Variants in MCM9 observed in about 807,000 individuals in gnomAD.
MCM9 encodes the protein minichromosome maintenance 9 homologous recombination repair factor, also known as DNA helicase MCM9.
A neutral mutation model predicts 72.8 loss-of-function variants in MCM9; 55 were observed. That is an observed-to-expected ratio of 0.76 (90% confidence interval 0.61 to 0.95). MCM9 has a LOEUF of 0.95. Among genes scored for constraint, MCM9 ranks in the 40% least tolerant of loss-of-function variants. The pLI, the probability that MCM9 is intolerant of heterozygous loss-of-function variation, is 0.00. For missense variants in MCM9, 1,279 were observed against 1,377.0 expected (o/e 0.93, Z 1.13); for synonymous variants, 480 against 503.4 (o/e 0.95, Z 0.62).
At chr6:118,910,930 C>T (rs938982681) in intron 8 of MCM9, 1 of 985,346 alleles carries the variant, frequency 1.0e-6, no homozygotes, top group Non-Finnish European at 1.2e-6. Context: ...TAATCTGACT[C>T]CCTTAACAAG....
intron 8 of MCM9, chr6:118,907,333 G>A: frequency 9.0e-7 from 1 of 1,113,824 alleles, no homozygotes; most frequent in Non-Finnish European, 1.3e-6. Flanking sequence ...ATTTTATTAA[G>A]CTTCTATTTG....
intron 13 of MCM9, among the ~76,000 whole-genome samples, chr6:118,823,478 C>T (rs1378143152): frequency 1.3e-5 from 2 of 152,214 alleles, no homozygotes; most frequent in Admixed American, 6.5e-5. Flanking sequence ...GCTGGAAACG[C>T]AGAAATCACC....
intron 9 of MCM9, among the ~76,000 whole-genome samples, chr6:118,843,655 T>TATATATAC (rs1491542240): frequency 3.4e-4 from 13 of 38,606 alleles, no homozygotes; most frequent in African/African-American, 7.9e-4. Context: ...TATATATATA[T>TATATATAC]GTGTATATAT....
At chr6:118,879,872 T>C (rs1258574817) in intron 8 of MCM9, among the ~76,000 whole-genome samples, 1 of 151,876 alleles carries the variant, frequency 6.6e-6, no homozygotes, top group Admixed American at 6.6e-5. Flanking sequence ...GGTGAAACCC[T>C]GTCTCTATTA....
intron 8 of MCM9, among the ~76,000 whole-genome samples, chr6:118,898,379 T>C (rs891480519): frequency 3.9e-5 from 6 of 152,108 alleles, no homozygotes; most frequent in Non-Finnish European, 8.8e-5. Context: ...TATGTAGTGA[T>C]ACAATTATAT....
At position 118,931,694 on chromosome 6, in the gene MCM9, A is replaced by G; in HGVS notation, c.30T>C (p.Gly10=). Residue 10 remains glycine (G), a synonymous_variant, in exon 3 of 14, where the codon GGT becomes GGC. Coordinates refer to ENST00000619706, the MANE Select transcript of MCM9 (RefSeq NM_017696.3). ...CCGAAACATATGACTCAAACACTTG[A>G]CCAACCAGTGTAACTTGATCGCTAT... MNSDQVTLV[G]QVFESYVSEY... is the part of the protein sequence containing the mutation. The G allele has an allele frequency of 6.2e-7, 1 of 1,613,808 alleles. No individual in the cohort carries two copies. The highest frequency in any genetic ancestry group is 8.5e-7 in the Non-Finnish European group (1 of 1,179,824).
intron 9 of MCM9, among the ~76,000 whole-genome samples, chr6:118,843,380 G>C (rs931472112): frequency 3.3e-5 from 5 of 151,206 alleles, no homozygotes; most frequent in Non-Finnish European, 1.5e-5. Flanking sequence ...TGTAATCCCA[G>C]CACTTTGGGA....
chr6:118,911,654 A>T lies in MCM9; in HGVS notation c.1146T>A (p.Ser382Arg), dbSNP rs1327745327. Residue 382 changes from serine (S) to arginine (R), a missense_variant, in exon 8 of 14, where the codon AGT becomes AGA. By Grantham distance (110) the Ser-to-Arg change is moderately radical. Transcript: ENST00000619706. ...SVLTTGIGST[S>R]AGLTVTAVKD... ...TGAAATTGTCACATACAATACCTGC[A>T]CTAGTAGATCCAATTCCTGTGGTCA... is the stretch of plus-strand genomic sequence containing the variant. 3.7e-6 allele frequency: 6 copies of T among 1,610,520 alleles called. No homozygotes were observed. The highest frequency in any genetic ancestry group is 5.1e-6 in the Non-Finnish European group (6 of 1,178,256).
At chr6:118,851,853 C>A (rs150900919) in intron 9 of MCM9, among the ~76,000 whole-genome samples, 1 of 152,136 alleles carries the variant, frequency 6.6e-6, no homozygotes, top group African/African-American at 2.4e-5. Flanking sequence ...TACCACAGTG[C>A]GGTGGTCTAA....
chr6:118,934,625 T>C (rs1472361398), intron 1 of MCM9: 1 of 152,112 alleles, frequency 6.6e-6, no homozygotes, highest in Non-Finnish European at 1.5e-5. Context: ...GCCGCTCGGC[T>C]GCCCCAGGGG....
chr6:118,844,236 G>A (rs1263282009), intron 9 of MCM9, among the ~76,000 whole-genome samples: 1 of 151,734 alleles, frequency 6.6e-6, no homozygotes, highest in Non-Finnish European at 1.5e-5. Flanking sequence ...AAGATTAACT[G>A]GCCTCTAATT....
At chr6:118,870,157 C>T (rs1435797444) in intron 8 of MCM9, among the ~76,000 whole-genome samples, 1 of 152,104 alleles carries the variant, frequency 6.6e-6, no homozygotes, top group Admixed American at 6.6e-5. Context: ...AATGGACTTA[C>T]CAGACATATA....
intron 8 of MCM9, among the ~76,000 whole-genome samples, chr6:118,900,538 G>A (rs1239123958): frequency 1.3e-5 from 2 of 152,162 alleles, no homozygotes; most frequent in African/African-American, 4.8e-5. Flanking sequence ...TGTTTGTGAG[G>A]CACTGTCCAG....
At chr6:118,844,150 C>T (rs933835641) in intron 9 of MCM9, among the ~76,000 whole-genome samples, 1 of 151,804 alleles carries the variant, frequency 6.6e-6, no homozygotes, top group Non-Finnish European at 1.5e-5. Context: ...ATTAACTTCA[C>T]GGCATGCTAT....
intron 9 of MCM9, among the ~76,000 whole-genome samples, chr6:118,838,008 T>A (rs796408049): frequency 7.2e-5 from 11 of 152,318 alleles, no homozygotes; most frequent in African/African-American, 2.4e-4. Context: ...CAGTTTTTCC[T>A]TTCCATATGT....
In MCM9 at chr6:118,843,655, T is replaced by TATATACACGTATATATATATATATATAC. The variant is rs1491542240; in HGVS notation, c.1325+12715_1325+12716insGTATATATATATATATATACGTGTATAT. Reference sequence around the variant, plus strand: ...ACAAAACAAAACATATATATATATATGTGTATATATATATGTATGTATATA... The same window carrying TATATACACGTATATATATATATATATAC: ...ACAAAACAAAACATATATATATATATATATACACGTATATATATATATATATACGTGTATATATATATGTATGTATATA... On this transcript the variant is annotated intron_variant, in intron 9 of 13. Transcript: ENST00000619706. 1.2e-3 allele frequency among the ~76,000 whole-genome samples: 48 copies of TATATACACGTATATATATATATATATAC among 38,594 alleles called. 1 individual carries two copies. Among genetic ancestry groups the TATATACACGTATATATATATATATATAC allele is most frequent in the Admixed American group, 2.0e-3 (5 of 2,554 alleles). 25.3% of individuals were successfully genotyped at this position (38,594 alleles called of 152,430 possible).
rs189227113 is a variant in MCM9, at chr6:118,906,534, T to A, written c.1150+5116A>T. ...TGATGATATTTTTGTGTGTAACTCT[T>A]CCCAAAATTATGAAAGTTTTATGTT... On this transcript the variant is annotated intron_variant, in intron 8 of 13. Transcript: ENST00000619706. Among the ~76,000 whole-genome samples the A allele has an allele frequency of 9.5e-4, 144 of 152,360 alleles. 1 individual carries two copies. Among genetic ancestry groups the A allele is most frequent in the African/African-American group, 3.3e-3 (137 of 41,590 alleles).
intron 13 of MCM9, among the ~76,000 whole-genome samples, chr6:118,825,655 A>G (rs1453101751): frequency 6.6e-6 from 1 of 152,202 alleles, no homozygotes; most frequent in Non-Finnish European, 1.5e-5. Flanking sequence ...AGAAGTCCAC[A>G]TATTTCGGGA....
chr6:118,839,845 T>C (rs1256452970), intron 9 of MCM9, among the ~76,000 whole-genome samples: 1 of 152,152 alleles, frequency 6.6e-6, no homozygotes, highest in Non-Finnish European at 1.5e-5. Flanking sequence ...CTGTCCTGTA[T>C]GAGGTGTCTG....
Sources: gnomAD v4.1 joint callset for allele counts (sites outside exome capture counted in the v4.1 genomes callset) on GRCh38, gnomAD v4.1.1 for gene constraint, MANE v1.5 for transcripts, NCBI Gene and HGNC (gene_info 2026-07-23, HGNC 2026-07-21) for gene names.